The following RBFOX2 variants were observed in gnomAD, a reference collection of about 807,000 sequenced individuals.
The protein encoded by RBFOX2 is RNA binding protein fox-1 homolog 2.
Under a neutral mutation model 49.1 loss-of-function variants are expected in RBFOX2, and 10 were observed. That is an observed-to-expected ratio of 0.20 (90% CI 0.13 to 0.35). The LOEUF is 0.35. Ranked by LOEUF, RBFOX2 falls within the 10% of genes least tolerant of loss-of-function variation. RBFOX2 has a pLI of 1.00. For synonymous variants in RBFOX2, 183 were observed against 187.4 expected, an observed-to-expected ratio of 0.98 and a Z score of 0.19; for missense variants, 323 against 486.9, an observed-to-expected ratio of 0.66 and a Z score of 3.17.
chr22:35,912,945 G>C (rs2049991616), intron 1 of RBFOX2, among the ~76,000 whole-genome samples: 1 of 152,164 alleles, frequency 6.6e-6, no homozygotes, highest in Non-Finnish European at 1.5e-5. Flanking sequence ...GCAGAATTAA[G>C]ATGAAAATTA....
chr22:35,810,127 T>A (rs1185012388), intron 1 of RBFOX2, 123 bp from the exon 3 acceptor site: 3 of 934,544 alleles, frequency 3.2e-6, no homozygotes, highest in African/African-American at 3.3e-5. Flanking sequence ...GGAATGCTTA[T>A]TGCTCCAGGA....
At chr22:35,943,646 C>A (rs779918269), upstream of RBFOX2, among the ~76,000 whole-genome samples, 1 of 152,168 alleles carries the variant, frequency 6.6e-6, no homozygotes, top group Non-Finnish European at 1.5e-5. Flanking sequence ...CGCCTGTAAT[C>A]CCAGCACTTT....
intron 2 of RBFOX2, among the ~76,000 whole-genome samples, chr22:35,796,999 T>C (rs978825857): frequency 2.0e-5 from 3 of 152,158 alleles, no homozygotes; most frequent in Non-Finnish European, 1.5e-5. Context: ...ATAATGTAAA[T>C]ACTTTCTTTC....
intron 1 of RBFOX2, among the ~76,000 whole-genome samples, chr22:35,985,854 G>A (rs1197077364): frequency 6.6e-6 from 1 of 151,988 alleles, no homozygotes; most frequent in East Asian, 1.9e-4. Flanking sequence ...GCCAGCCTGG[G>A]CAACAAAGCA....
intron 6 of RBFOX2, among the ~76,000 whole-genome samples, chr22:35,764,046 T>C (rs1354460949): frequency 6.6e-6 from 1 of 152,216 alleles, no homozygotes; most frequent in Non-Finnish European, 1.5e-5. Flanking sequence ...TGTAGAGACT[T>C]GTTTTTGTAA....
chr22:35,856,803 C>T (rs996111819), intron 1 of RBFOX2, among the ~76,000 whole-genome samples: 7 of 152,002 alleles, frequency 4.6e-5, no homozygotes, highest in African/African-American at 7.3e-5. Flanking sequence ...GAGGCTGAGG[C>T]GGGTGGATTG....
At chr22:35,920,919 G>A (rs1227192108) in intron 1 of RBFOX2, among the ~76,000 whole-genome samples, 2 of 152,094 alleles carry the variant, frequency 1.3e-5, no homozygotes, top group Non-Finnish European at 2.9e-5. Flanking sequence ...AAAACGTTAA[G>A]ATAAAGTTAA....
chr22:35,861,361 A>T (rs563695857), intron 1 of RBFOX2, among the ~76,000 whole-genome samples: 1 of 152,296 alleles, frequency 6.6e-6, no homozygotes, highest in East Asian at 1.9e-4. Context: ...ATAAAAAGAC[A>T]AGCCACAACT....
chr22:35,745,978 G>A lies in RBFOX2; in HGVS notation c.994C>T (p.Gln332Ter), dbSNP rs1932553953. 2 of 1,613,730 alleles carry A rather than the reference G, an allele frequency of 1.2e-6. No homozygotes were observed. ...GGCAAGGGCATGGTAGGGGTCGGCT[G>A]TGTACACCCTGCCATAACTGGAAAG... The change falls in exon 11 of 12, where the codon CAG becomes TAG. Residue 332 changes from glutamine (Q) to a stop codon, truncating the protein, a stop_gained. Coordinates refer to ENST00000405409, the Ensembl canonical transcript of RBFOX2. LOFTEE classifies it high-confidence loss of function.
chr22:35,882,735 T>C (rs545814323), intron 1 of RBFOX2, among the ~76,000 whole-genome samples: 1 of 152,288 alleles, frequency 6.6e-6, no homozygotes, highest in South Asian at 2.1e-4. Flanking sequence ...TTCATACTGA[T>C]GAGAGAAAGT....
At chr22:35,952,028 C>CT (rs2055002387) in intron 1 of RBFOX2, among the ~76,000 whole-genome samples, 1 of 152,162 alleles carries the variant, frequency 6.6e-6, no homozygotes, top group South Asian at 2.1e-4. Context: ...TTAATGCCTG[C>CT]TTTCCTTTCG....
chr22:36,012,499 C>A (rs1390957642), intron 1 of RBFOX2, among the ~76,000 whole-genome samples: 3 of 152,112 alleles, frequency 2.0e-5, no homozygotes, highest in Non-Finnish European at 1.5e-5. Context: ...GTGGCAGAAT[C>A]GCTTGAGGAG....
At chr22:35,898,672 C>G (rs1481990034) in intron 1 of RBFOX2, among the ~76,000 whole-genome samples, 1 of 152,060 alleles carries the variant, frequency 6.6e-6, no homozygotes, top group Non-Finnish European at 1.5e-5. Flanking sequence ...AAGCGATCCA[C>G]CTGCCTGGGC....
intron 1 of RBFOX2, among the ~76,000 whole-genome samples, chr22:35,924,434 G>T (rs1177949373): frequency 6.6e-6 from 1 of 152,182 alleles, no homozygotes; most frequent in Non-Finnish European, 1.5e-5. Flanking sequence ...TATATTTATT[G>T]AGTGTCTTAA....
In RBFOX2 at chr22:35,760,328, G is replaced by A. The variant is rs185275455; in HGVS notation, c.755-308C>T. 5.3e-5 allele frequency among the ~76,000 whole-genome samples: 8 copies of A among 152,278 alleles called. No homozygotes were observed. The East Asian group carries it at 9.7e-4, about 18-fold the overall frequency. ...AAGCTGCTGAGAAACAGGTCAAGAAGCTCTGAGAATGACTGCCATAATAAG... is the reference window on the plus strand; with the variant it reads ...AAGCTGCTGAGAAACAGGTCAAGAAACTCTGAGAATGACTGCCATAATAAG... On this transcript the variant is annotated intron_variant, in intron 8 of 11. Transcript: ENST00000405409.
chr22:35,849,298 A>AACACACACACACAC (rs61515031), intron 1 of RBFOX2, among the ~76,000 whole-genome samples: 34 of 133,348 alleles, frequency 2.5e-4, no homozygotes, highest in Non-Finnish European at 4.1e-4. Context: ...TACACACACA[A>AACACACACACACAC]ACACACACAC....
At chr22:35,918,187 TCTAAA>T (rs1233609396) in intron 1 of RBFOX2, among the ~76,000 whole-genome samples, 7 of 152,180 alleles carry the variant, frequency 4.6e-5, no homozygotes, top group Non-Finnish European at 8.8e-5. Flanking sequence ...CAATTCACTC[TCTAAA>T]CTAAACTGAA....
intron 1 of RBFOX2, among the ~76,000 whole-genome samples, chr22:35,819,765 A>G (rs1184800757): frequency 6.6e-6 from 1 of 152,254 alleles, no homozygotes; most frequent in Non-Finnish European, 1.5e-5. Flanking sequence ...GACAAATAAT[A>G]AATTGGCAAG....
At chr22:35,766,787 A>G (rs1369437929) in intron 5 of RBFOX2, among the ~76,000 whole-genome samples, 1 of 152,252 alleles carries the variant, frequency 6.6e-6, no homozygotes, top group Non-Finnish European at 1.5e-5. Flanking sequence ...CTGCTGGAGC[A>G]GAAAGCAACC....
Sources: allele counts gnomAD v4.1 joint callset (sites outside exome capture counted in the v4.1 genomes callset), GRCh38; gene constraint gnomAD v4.1.1; transcripts MANE v1.5; gene names NCBI Gene and HGNC (gene_info 2026-07-23, HGNC 2026-07-21).